Variants in CLNS1A observed in about 807,000 individuals in gnomAD.
The protein encoded by CLNS1A is methylosome subunit pICln.
In CLNS1A, 16 loss-of-function variants were observed where a neutral mutation model predicts 29.4. The ratio of observed to expected loss-of-function variants is 0.54; its 90% CI spans 0.37 to 0.83. The LOEUF is 0.83. CLNS1A is among the 40% of genes least tolerant of loss of function. CLNS1A has a pLI of 0.00. For synonymous variants in CLNS1A, 96 were observed against 104.8 expected (o/e 0.92, Z 0.51); for missense variants, 235 against 287.4 (o/e 0.82, Z 1.32).
In CLNS1A at chr11:77,616,706, A is replaced by G. The variant is rs1173492511; in HGVS notation, c.*23-11T>C. On this transcript the variant is annotated splice_polypyrimidine_tract_variant and intron_variant, in intron 6 of 6. Coordinates refer to ENST00000525428, the MANE Select transcript of CLNS1A (RefSeq NM_001293.3). ...ACTTAGGAGCAGAATCTGAAAAACA[A>G]AAGGTTTACAGTGTTTACAGTAGTG... The G allele has an allele frequency of 6.6e-6, 1 of 152,470 alleles. No individual in the cohort carries two copies. Among genetic ancestry groups the G allele is most frequent in the African/African-American group, 2.4e-5 (1 of 41,440 alleles). The allele number at this position is 152,470 out of a possible 1,614,324, so 9.4% of individuals were successfully genotyped here.
chr11:77,618,840 T>C (rs773283564), intron 6 of CLNS1A, among the ~76,000 whole-genome samples: 2 of 152,230 alleles, frequency 1.3e-5, no homozygotes, highest in Non-Finnish European at 1.5e-5. Context: ...ACAAAGGATC[T>C]TATAACTTAA....
Position 77,637,756 on chromosome 11 carries a change from C to T in CLNS1A, c.-42G>A, listed in dbSNP as rs781303469. On this transcript the variant is annotated 5_prime_UTR_variant, in exon 1 of 7. Transcript: ENST00000525428. ...AACACAGGCCCTGAGGGAGTTGGAGCACAGCAATGCGTGCACCACACCGCC... is the reference window on the plus strand; with the variant it reads ...AACACAGGCCCTGAGGGAGTTGGAGTACAGCAATGCGTGCACCACACCGCC... 14 of 1,535,946 alleles carry T rather than the reference C, an allele frequency of 9.1e-6. No individual in the cohort carries two copies. The South Asian group carries it at 1.5e-4, about 16-fold the overall frequency.
At position 77,629,752 on chromosome 11, in the gene CLNS1A, A is replaced by G. The variant is rs766248486; in HGVS notation, c.262+11T>C. 4 of 1,610,304 alleles carry G rather than the reference A, an allele frequency of 2.5e-6. No individual in the cohort carries two copies. The Admixed American group carries it at 6.7e-5, about 27-fold the overall frequency. On this transcript the variant is annotated intron_variant, in intron 2 of 6. Coordinates refer to ENST00000525428, the MANE Select transcript of CLNS1A (RefSeq NM_001293.3). ...CAAAGGAGGCATTAGATTAAATTAC[A>G]CCATACATACCTTCAAATTTGGCAT...
At chr11:77,628,063 A>G (rs1057192685) in intron 2 of CLNS1A, among the ~76,000 whole-genome samples, 1 of 152,144 alleles carries the variant, frequency 6.6e-6, no homozygotes, top group Non-Finnish European at 1.5e-5. Flanking sequence ...TGACCTTGTG[A>G]TCTGCCCCCC....
rs1167302114 is a variant in CLNS1A, at chr11:77,616,059, A to G, written c.*659T>C. 4 of 152,116 alleles carry G rather than the reference A, an allele frequency of 2.6e-5. No homozygotes were observed. The highest frequency in any genetic ancestry group is 7.2e-5 in the African/African-American group (3 of 41,392). The allele number at this position is 152,116 out of a possible 1,614,324, so 9.4% of individuals were successfully genotyped here. ...ATGTTCATCTTCTCAACAAGTAAAC[A>G]AAAATAAAGCCAACAAAATTCTCAT... On this transcript the variant is annotated 3_prime_UTR_variant, in exon 7 of 7. Coordinates refer to ENST00000525428, the MANE Select transcript of CLNS1A (RefSeq NM_001293.3).
intron 5 of CLNS1A, chr11:77,621,972 G>A (rs1457387263): frequency 2.2e-6 from 1 of 456,106 alleles, no homozygotes; most frequent in African/African-American, 2.0e-5. Context: ...TGCAGATTTT[G>A]GACTTGCCAG....
intron 6 of CLNS1A, chr11:77,618,497 A>C (rs1046585447): frequency 1.3e-5 from 2 of 152,232 alleles, no homozygotes; most frequent in African/African-American, 4.8e-5. Context: ...TGGAAATTAA[A>C]ATTAAGTATT....
chr11:77,626,871 T>A (rs1244608938), intron 2 of CLNS1A, among the ~76,000 whole-genome samples: 1 of 150,738 alleles, frequency 6.6e-6, no homozygotes, highest in Non-Finnish European at 1.5e-5. Flanking sequence ...TTTTTGTATT[T>A]TTTTTAGTAA....
At chr11:77,619,753 C>G in intron 5 of CLNS1A, 58 bp from the exon 6 acceptor site, 2 of 1,158,694 alleles carry the variant, frequency 1.7e-6, no homozygotes, top group South Asian at 2.4e-5. Context: ...CAGGTAGATT[C>G]AACTTATAAC....
Position 77,624,390 on chromosome 11 carries a change from T to G in CLNS1A, c.472+573A>C, listed in dbSNP as rs538185316. The stretch of plus-strand genomic sequence containing the variant: ...ACTTTCCTGACCATCCACTTCCCTA[T>G]CTACCATTTTCTTTCCTCCCATATG... On this transcript the variant is annotated intron_variant, in intron 4 of 6. Coordinates refer to ENST00000525428, the MANE Select transcript of CLNS1A (RefSeq NM_001293.3). Among the ~76,000 whole-genome samples the G allele has an allele frequency of 2.2e-4, 33 of 152,288 alleles. No individual in the cohort carries two copies. In the South Asian group the frequency reaches 5.2e-3, roughly 24 times the overall value.
At chr11:77,631,585 G>A (rs1959075387) in intron 1 of CLNS1A, among the ~76,000 whole-genome samples, 2 of 151,452 alleles carry the variant, frequency 1.3e-5, no homozygotes, top group South Asian at 2.1e-4. Flanking sequence ...CCAAAGTGCT[G>A]GGATTATAGG....
intron 2 of CLNS1A, among the ~76,000 whole-genome samples, chr11:77,627,332 G>A (rs747187522): frequency 6.6e-5 from 10 of 151,252 alleles, no homozygotes; most frequent in Admixed American, 4.6e-4. Context: ...CCAGCTACTC[G>A]GGAGGCTGAG....
At chr11:77,635,856 A>G (rs1783667) in intron 1 of CLNS1A, among the ~76,000 whole-genome samples, 1 of 152,128 alleles carries the variant, frequency 6.6e-6, no homozygotes, top group Non-Finnish European at 1.5e-5. Context: ...GTCAATACTC[A>G]ATATATGCTC....
rs1181237492 is a variant in CLNS1A, at chr11:77,615,387, T to C, written c.*1331A>G. ...GCTGGTAGGTGGTAAGGCTGTATGA[T>C]GTTTTAAAGCACAGGCTCAAAAATC... On this transcript the variant is annotated 3_prime_UTR_variant, in exon 7 of 7. Transcript: ENST00000525428. 4.6e-5 allele frequency: 7 copies of C among 152,216 alleles called. No individual in the cohort carries two copies. Among genetic ancestry groups the C allele is most frequent in the Non-Finnish European group, 8.8e-5 (6 of 68,042 alleles). 9.4% of individuals were successfully genotyped at this position (152,216 alleles called of 1,614,324 possible).
In CLNS1A at chr11:77,626,682, C is replaced by G. The variant is rs374834439; in HGVS notation, c.263-864G>C. 2.7e-3 allele frequency among the ~76,000 whole-genome samples: 395 copies of G among 148,728 alleles called. 1 individual carries two copies. The highest frequency in any genetic ancestry group is 9.3e-3 in the African/African-American group (375 of 40,504). ...GGTTACAGATGTGAGCCACTATGCCCGGTCCTGATGGTCATTTTTTTTTTT... is the reference window on the plus strand; with the variant it reads ...GGTTACAGATGTGAGCCACTATGCCGGGTCCTGATGGTCATTTTTTTTTTT... On this transcript the variant is annotated intron_variant, in intron 2 of 6. Transcript: ENST00000525428.
chr11:77,631,416 G>C (rs1255596838), intron 1 of CLNS1A, among the ~76,000 whole-genome samples: 1 of 151,362 alleles, frequency 6.6e-6, no homozygotes, highest in Non-Finnish European at 1.5e-5. Context: ...CGCCTCTCGG[G>C]TTCACGCCAT....
chr11:77,615,802 T>C lies in CLNS1A; in HGVS notation c.*916A>G, dbSNP rs772949368. The C allele has an allele frequency of 2.6e-5, 4 of 152,226 alleles. No individual in the cohort carries two copies. Among genetic ancestry groups the C allele is most frequent in the Non-Finnish European group, 5.9e-5 (4 of 68,032 alleles). 9.4% of individuals were successfully genotyped at this position (152,226 alleles called of 1,614,324 possible). A position where few individuals can be genotyped will look rare whatever the true frequency, so the allele number is the denominator to read the frequency against. ...ATCCTGTTAAGAAGGTTAGCTTGTA[T>C]AACCTTATTTTTAAGGACACATAAT... is the stretch of plus-strand genomic sequence containing the variant. On this transcript the variant is annotated 3_prime_UTR_variant, in exon 7 of 7. Coordinates refer to ENST00000525428, the MANE Select transcript of CLNS1A (RefSeq NM_001293.3).
intron 4 of CLNS1A, among the ~76,000 whole-genome samples, chr11:77,623,627 A>G (rs1224819221): frequency 1.3e-5 from 2 of 152,050 alleles, no homozygotes; most frequent in Non-Finnish European, 2.9e-5. Context: ...TGGAACATAC[A>G]AAAAGGATGA....
chr11:77,623,264 T>C (rs1411508133), intron 4 of CLNS1A, among the ~76,000 whole-genome samples: 4 of 152,214 alleles, frequency 2.6e-5, no homozygotes, highest in Admixed American at 2.6e-4. Context: ...AAAATGAAGA[T>C]GTTTTCTGAT....
Sources: gnomAD v4.1 joint callset for allele counts (sites outside exome capture counted in the v4.1 genomes callset) on GRCh38, gnomAD v4.1.1 for gene constraint, MANE v1.5 for transcripts, NCBI Gene and HGNC (gene_info 2026-07-23, HGNC 2026-07-21) for gene names.